STK31: variants seen among roughly 807,000 people sequenced by gnomAD.
STK31 encodes serine/threonine kinase 31, also known as serine/threonine-protein kinase 31.
In STK31, 89 loss-of-function variants were observed where a neutral mutation model predicts 129.7. The ratio of observed to expected loss-of-function variants is 0.69; its 90% CI spans 0.58 to 0.82. The LOEUF (loss-of-function observed/expected upper bound fraction) is 0.82, where lower values mean the gene tolerates loss of function less well. Ranked by LOEUF, STK31 falls within the 40% of genes least tolerant of loss-of-function variation. The probability of loss-of-function intolerance (pLI) is 0.00; values close to 1 mark genes in which losing one functional copy is unlikely to be tolerated. For missense variants in STK31, 1,187 were observed against 1,176.4 expected, an observed-to-expected ratio of 1.01 and a Z score of -0.13; for synonymous variants, 448 against 395.3, an observed-to-expected ratio of 1.13 and a Z score of -1.58.
intron 6 of STK31, among the ~76,000 whole-genome samples, chr7:23,730,878 A>ATATATTTTTTTTTTTTTTT: frequency 1.7e-5 from 1 of 59,554 alleles, no homozygotes; most frequent in South Asian, 8.1e-4. Flanking sequence ...ATATATATAT[A>ATATATTTTTTTTTTTTTTT]TTTTTTTTTT....
At position 23,774,853 on chromosome 7, in the gene STK31, T is replaced by C. The variant is rs577060896; in HGVS notation, c.1965+2575T>C. 3.8e-3 allele frequency among the ~76,000 whole-genome samples: 576 copies of C among 152,344 alleles called. 4 individuals carry two copies. The highest frequency in any genetic ancestry group is 0.02 in the Middle Eastern group (6 of 294). ...GTTTTGGACATGAAGTCCTTGCCCA[T>C]GCCTATGTCCTGAATGGTATTGCCT... On this transcript the variant is annotated intron_variant, in intron 15 of 23. Coordinates refer to ENST00000355870, the MANE Select transcript of STK31 (RefSeq NM_031414.5).
intron 13 of STK31, 28 bp from the exon 14 acceptor site, chr7:23,770,977 A>G (rs747971428): frequency 6.3e-7 from 1 of 1,598,290 alleles, no homozygotes; most frequent in Non-Finnish European, 8.5e-7. Context: ...TCCTTTGTGT[A>G]TAATTCTATG....
intron 11 of STK31, among the ~76,000 whole-genome samples, chr7:23,766,418 G>C (rs1166000868): frequency 3.9e-5 from 6 of 152,004 alleles, no homozygotes; most frequent in African/African-American, 1.2e-4. Flanking sequence ...ATGCACCACT[G>C]TGCCCGGCTA....
chr7:23,731,071 G>C (rs921362140), intron 6 of STK31, among the ~76,000 whole-genome samples: 1 of 150,710 alleles, frequency 6.6e-6, no homozygotes, highest in Non-Finnish European at 1.5e-5. Flanking sequence ...TTTAGTAGAG[G>C]TGGGGTTTCA....
intron 1 of STK31, chr7:23,710,804 T>C: frequency 9.9e-7 from 1 of 1,011,516 alleles, no homozygotes; most frequent in Non-Finnish European, 1.2e-6. Flanking sequence ...TAAAAACTAC[T>C]CTAGAAGTAG....
intron 8 of STK31, among the ~76,000 whole-genome samples, chr7:23,747,950 T>C (rs1376007228): frequency 6.6e-6 from 1 of 152,204 alleles, no homozygotes; most frequent in African/African-American, 2.4e-5. Flanking sequence ...CCTGATTTCC[T>C]GTTTTCAAAT....
chr7:23,731,803 T>C (rs1787447713), intron 6 of STK31, among the ~76,000 whole-genome samples: 3 of 152,352 alleles, frequency 2.0e-5, no homozygotes, highest in African/African-American at 7.2e-5. Flanking sequence ...TTGGAATTTG[T>C]GTTTAACAAT....
At chr7:23,808,787 C>G (rs1792881270) in intron 22 of STK31, among the ~76,000 whole-genome samples, 1 of 152,060 alleles carries the variant, frequency 6.6e-6, no homozygotes, top group Non-Finnish European at 1.5e-5. Context: ...TCCAGCTCCT[C>G]ACTCAGCACT....
chr7:23,814,590 G>A (rs1238536583), intron 22 of STK31, among the ~76,000 whole-genome samples: 10 of 152,038 alleles, frequency 6.6e-5, no homozygotes, highest in Admixed American at 1.3e-4. Context: ...ATATATATGC[G>A]TTTGTTCATA....
At position 23,727,270 on chromosome 7, in the gene STK31, G is replaced by T. The variant is rs766362679; in HGVS notation, c.279G>T (p.Gln93His). The change falls in exon 5 of 24, where the codon CAG becomes CAT. Residue 93 changes from glutamine (Q) to histidine (H), a missense_variant. Gln to His is a conservative substitution (Grantham distance 24). Coordinates refer to ENST00000355870, the MANE Select transcript of STK31 (RefSeq NM_031414.5). ...ATGGTGGATTATTTTCTGAAGATCA[G>T]TGTTGGTACAGATGCAAAGTACTGA... Reference protein sequence around the residue: ...KIYGGLFSEDQCWYRCKVLKI... With the variant: ...KIYGGLFSEDHCWYRCKVLKI... 1 of 1,613,628 alleles carries T rather than the reference G, an allele frequency of 6.2e-7. No individual in the cohort carries two copies. The highest frequency in any genetic ancestry group is 1.1e-5 in the South Asian group (1 of 91,060).
chr7:23,720,325 TTGTC>T (rs1462676158), intron 4 of STK31, among the ~76,000 whole-genome samples: 2 of 152,162 alleles, frequency 1.3e-5, no homozygotes, highest in African/African-American at 2.4e-5. Flanking sequence ...TAGCCCTACC[TTGTC>T]AAAGATAAAT....
intron 15 of STK31, among the ~76,000 whole-genome samples, chr7:23,772,869 T>C (rs547944522): frequency 6.6e-6 from 1 of 152,338 alleles, no homozygotes; most frequent in African/African-American, 2.4e-5. Flanking sequence ...TACAAGGATC[T>C]GTATTATGCC....
chr7:23,739,735 T>C (rs903362605), intron 8 of STK31, among the ~76,000 whole-genome samples: 1 of 152,254 alleles, frequency 6.6e-6, no homozygotes, highest in Non-Finnish European at 1.5e-5. Context: ...TAGGGAATCC[T>C]TTCCCCATTG....
Position 23,772,237 on chromosome 7 carries a change from C to T in STK31, c.1924C>T (p.Leu642=), listed in dbSNP as rs1790247202. 6.2e-7 allele frequency: 1 copy of T among 1,608,756 alleles called. No homozygotes were observed. Among genetic ancestry groups the T allele is most frequent in the South Asian group, 1.1e-5 (1 of 90,224 alleles). The change falls in exon 15 of 24, where the codon CTA becomes TTA. Residue 642 remains leucine (L), a synonymous_variant. Coordinates refer to ENST00000355870, the MANE Select transcript of STK31 (RefSeq NM_031414.5). ...GAAGACATTGAAAAGCTTAAAAGCTCTACTCAGATGGAAATTGGTTGAAAA... is the reference window on the plus strand; with the variant it reads ...GAAGACATTGAAAAGCTTAAAAGCTTTACTCAGATGGAAATTGGTTGAAAA... The part of the protein sequence containing the change: ...IKKTLKSLKA[L]LRWKLVEKSN...
chr7:23,728,072 C>CTT lies in STK31; in HGVS notation c.324+784_324+785dup, dbSNP rs56355518. Among the ~76,000 whole-genome samples the CTT allele has an allele frequency of 1.2e-3, 85 of 68,262 alleles. 7 individuals are homozygous for CTT. Among genetic ancestry groups the CTT allele is most frequent in the Non-Finnish European group, 1.5e-3 (55 of 37,048 alleles). The allele number at this position is 68,262 out of a possible 152,430, so 44.8% of individuals were successfully genotyped here. A position where few individuals can be genotyped will look rare whatever the true frequency, so the allele number is the denominator to read the frequency against. On this transcript the variant is annotated intron_variant, in intron 5 of 23. Coordinates refer to ENST00000355870, the MANE Select transcript of STK31 (RefSeq NM_031414.5). Reference sequence around the variant, plus strand: ...TGTGGTGAGTTTTCTTTGTGTTAAGCTTTTTTTTTTTTTTTTTTTTTTTTT... The same window carrying CTT: ...TGTGGTGAGTTTTCTTTGTGTTAAGCTTTTTTTTTTTTTTTTTTTTTTTTTTT...
intron 3 of STK31, among the ~76,000 whole-genome samples, chr7:23,713,870 AAAT>A (rs1786130622): frequency 6.8e-6 from 1 of 147,382 alleles, no homozygotes; most frequent in Admixed American, 6.7e-5. Context: ...TAGTAAAAAA[AAAT>A]ATATATATAC....
intron 23 of STK31, among the ~76,000 whole-genome samples, chr7:23,816,501 G>T (rs1181073408): frequency 2.6e-5 from 4 of 152,228 alleles, no homozygotes; most frequent in Non-Finnish European, 5.9e-5. Context: ...TTAAGATGTT[G>T]GCTGGGCTAC....
chr7:23,808,943 T>TTATATGTGTGTGTGTG (rs71552258), intron 22 of STK31, among the ~76,000 whole-genome samples: 1 of 84,436 alleles, frequency 1.2e-5, no homozygotes, highest in African/African-American at 3.5e-5. Context: ...CTTGGAGCTT[T>TTATATGTGTGTGTGTG]TGTGTGTGTG....
At chr7:23,730,878 A>ATATATATTTTTTTT in intron 6 of STK31, among the ~76,000 whole-genome samples, 2 of 59,542 alleles carry the variant, frequency 3.4e-5, no homozygotes, top group Admixed American at 2.7e-4. Context: ...ATATATATAT[A>ATATATATTTTTTTT]TTTTTTTTTT....
Sources: gnomAD v4.1 joint callset for allele counts (sites outside exome capture counted in the v4.1 genomes callset) on GRCh38, gnomAD v4.1.1 for gene constraint, MANE v1.5 for transcripts, NCBI Gene and HGNC (gene_info 2026-07-23, HGNC 2026-07-21) for gene names.